AKAP13: variants seen among roughly 807,000 people sequenced by gnomAD.
AKAP13 encodes A-kinase anchor protein 13.
A neutral mutation model predicts 264.5 loss-of-function variants in AKAP13; 80 were observed. The observed-to-expected ratio is 0.30, with a 90% CI of 0.25 to 0.36. The LOEUF (loss-of-function observed/expected upper bound fraction) is 0.36. Ranked by LOEUF, AKAP13 falls within the 10% of genes least tolerant of loss-of-function variation. The pLI is 1.00. For missense variants in AKAP13, 3,712 were observed against 3,435.2 expected, an observed-to-expected ratio of 1.08 and a Z score of -2.01; for synonymous variants, 1,380 against 1,250.2, an observed-to-expected ratio of 1.10 and a Z score of -2.19.
intron 8 of AKAP13, among the ~76,000 whole-genome samples, chr15:85,587,750 G>A (rs1016257889): frequency 2.0e-5 from 3 of 152,256 alleles, no homozygotes; most frequent in East Asian, 3.9e-4. Flanking sequence ...GGGTTGAAGC[G>A]ATTCTCTTGT....
intron 17 of AKAP13, among the ~76,000 whole-genome samples, chr15:85,693,905 TA>T (rs754082425): frequency 1.3e-5 from 2 of 152,360 alleles, no homozygotes; most frequent in East Asian, 3.9e-4. Flanking sequence ...TAGGCCAGGC[TA>T]AACTATGATG....
intron 18 of AKAP13, among the ~76,000 whole-genome samples, chr15:85,710,166 A>T (rs927916012): frequency 1.3e-5 from 2 of 152,216 alleles, no homozygotes; most frequent in African/African-American, 4.8e-5. Context: ...ACTGGAAATG[A>T]AATGCAAAAG....
At chr15:85,436,030 TAA>T (rs1178225868) in intron 1 of AKAP13, among the ~76,000 whole-genome samples, 2 of 146,630 alleles carry the variant, frequency 1.4e-5, no homozygotes, top group Non-Finnish European at 3.0e-5. Flanking sequence ...GCAAATTGGA[TAA>T]AGAGTCAAGA....
chr15:85,456,550 GTTT>G (rs34952196), intron 1 of AKAP13, among the ~76,000 whole-genome samples: 2 of 121,842 alleles, frequency 1.6e-5, no homozygotes, highest in African/African-American at 3.2e-5. Context: ...CCCACTTTCT[GTTT>G]TTTTTTTTTT....
chr15:85,566,669 C>T (rs531749380), intron 5 of AKAP13, among the ~76,000 whole-genome samples: 5 of 150,156 alleles, frequency 3.3e-5, no homozygotes, highest in Middle Eastern at 3.5e-3. Flanking sequence ...CTCTGTTGCC[C>T]AGGCTGGAGT....
intron 29 of AKAP13, among the ~76,000 whole-genome samples, chr15:85,729,020 G>A (rs1597198485): frequency 6.6e-6 from 1 of 152,120 alleles, no homozygotes; most frequent in Admixed American, 6.5e-5. Context: ...TGATCAGTTG[G>A]CCAGGCTCGG....
intron 8 of AKAP13, among the ~76,000 whole-genome samples, chr15:85,593,898 CT>C (rs750449227): frequency 1.3e-4 from 20 of 152,166 alleles, no homozygotes; most frequent in Non-Finnish European, 2.5e-4. Flanking sequence ...GTTTTGCCAA[CT>C]ACCAGCTGAA....
At chr15:85,399,524 AAAAAAATAAAAAAAT>A (rs2071308433) in intron 1 of AKAP13, among the ~76,000 whole-genome samples, 3 of 86,522 alleles carry the variant, frequency 3.5e-5, no homozygotes, top group Admixed American at 1.2e-4. Flanking sequence ...AAAAAAAAAT[AAAAAAATAAAAAAAT>A]AAATAAATAA....
At chr15:85,578,007 C>G (rs1168986946) in intron 6 of AKAP13, 3 of 190,904 alleles carry the variant, frequency 1.6e-5, no homozygotes, top group African/African-American at 7.1e-5. Flanking sequence ...ATAGGTGGGA[C>G]ACAGTGGTGT....
chr15:85,467,465 A>G lies in AKAP13; in HGVS notation c.-11-18245A>G, dbSNP rs141508199. ...ATGAGTTATTTGTGTCTCTGTGAAC[A>G]TACACACAGTTTTATCCATCTAGAA... On this transcript the variant is annotated intron_variant, in intron 1 of 36. Transcript: ENST00000394518. Among the ~76,000 whole-genome samples, 173 of 152,148 alleles carry G rather than the reference A, an allele frequency of 1.1e-3. 1 individual carries two copies. The highest frequency in any genetic ancestry group is 4.1e-3 in the African/African-American group (169 of 41,494).
chr15:85,632,903 G>T (rs187301925), intron 8 of AKAP13, among the ~76,000 whole-genome samples: 1 of 151,404 alleles, frequency 6.6e-6, no homozygotes, highest in African/African-American at 2.4e-5. Context: ...ATCTTGCTCT[G>T]TCGCTAGGCT....
chr15:85,500,679 A>C (rs910776774), intron 2 of AKAP13, among the ~76,000 whole-genome samples: 1 of 152,112 alleles, frequency 6.6e-6, no homozygotes, highest in Admixed American at 6.5e-5. Context: ...TTTCCCCCCC[A>C]GAGATTCTGC....
chr15:85,556,633 C>A (rs565182972), intron 5 of AKAP13, among the ~76,000 whole-genome samples: 1 of 152,304 alleles, frequency 6.6e-6, no homozygotes, highest in South Asian at 2.1e-4. Flanking sequence ...ACTCTTGAGA[C>A]TTCATTTCAT....
chr15:85,505,747 T>A (rs1277892280), intron 2 of AKAP13, among the ~76,000 whole-genome samples: 1 of 152,212 alleles, frequency 6.6e-6, no homozygotes, highest in East Asian at 1.9e-4. Flanking sequence ...GAATGCGTTT[T>A]ATTTTGAGGG....
At chr15:85,382,123 C>T (rs140833552) in intron 1 of AKAP13, 19 of 152,278 alleles carry the variant, frequency 1.2e-4, no homozygotes, top group African/African-American at 4.6e-4. Context: ...TGTTTCAGTT[C>T]CCCAGATGGA....
At chr15:85,440,213 C>A (rs978722238) in intron 1 of AKAP13, among the ~76,000 whole-genome samples, 1 of 152,152 alleles carries the variant, frequency 6.6e-6, no homozygotes, top group Non-Finnish European at 1.5e-5. Context: ...ATGGTCATCT[C>A]CTCCCTTTGC....
At chr15:85,710,428 T>A in intron 18 of AKAP13, 151 bp from the exon 19 acceptor site, 1 of 607,116 alleles carries the variant, frequency 1.6e-6, no homozygotes, top group Non-Finnish European at 2.8e-6. Flanking sequence ...AGGATGGCAA[T>A]TGGGGGCGAC....
In AKAP13 at chr15:85,381,402, G is replaced by A. The variant is rs551468587; in HGVS notation, c.-12+604G>A. ...GCGCGGGTCGCAGGCGAGCGGCCCA[G>A]GAGACCCGTGCGGTCCCCACGCGCT... On this transcript the variant is annotated intron_variant, in intron 1 of 36. Coordinates refer to ENST00000394518, the MANE Select transcript of AKAP13 (RefSeq NM_007200.5). Among the ~76,000 whole-genome samples, 88 of 152,040 alleles carry A rather than the reference G, an allele frequency of 5.8e-4. 1 individual carries two copies. The highest frequency in any genetic ancestry group is 1.7e-3 in the African/African-American group (71 of 41,518).
intron 1 of AKAP13, among the ~76,000 whole-genome samples, chr15:85,413,808 C>T (rs886151364): frequency 2.0e-5 from 3 of 152,100 alleles, no homozygotes; most frequent in Non-Finnish European, 4.4e-5. Flanking sequence ...CACAGTATCC[C>T]ACGTGCCCTA....
Sources: allele counts gnomAD v4.1 joint callset (sites outside exome capture counted in the v4.1 genomes callset), GRCh38; gene constraint gnomAD v4.1.1; transcripts MANE v1.5; gene names NCBI Gene and HGNC (gene_info 2026-07-23, HGNC 2026-07-21).